The following ITPR1 variants were observed in gnomAD, a reference collection of about 807,000 sequenced individuals.
ITPR1 encodes the protein inositol 1,4,5-trisphosphate receptor type 1, also known as inositol 1,4,5-trisphosphate-gated calcium channel ITPR1.
A neutral mutation model predicts 318.4 loss-of-function variants in ITPR1; 96 were observed. The ratio of observed to expected loss-of-function variants is 0.30; its 90% CI spans 0.26 to 0.36. The LOEUF is 0.36. ITPR1 is among the 10% of genes least tolerant of loss of function. The pLI, the probability that ITPR1 is intolerant of heterozygous loss-of-function variation, is 1.00. For synonymous variants in ITPR1, 1,312 were observed against 1,289.9 expected (o/e 1.02, Z -0.37); for missense variants, 2,440 against 3,460.2 (o/e 0.71, Z 7.40).
chr3:4,592,262 CTTGTT>C (rs1172216218), intron 4 of ITPR1, among the ~76,000 whole-genome samples: 3 of 152,252 alleles, frequency 2.0e-5, no homozygotes, highest in African/African-American at 7.2e-5. Flanking sequence ...AACTGACTGT[CTTGTT>C]TTATGTTTTG....
At chr3:4,757,226 T>C (rs1439217542) in intron 44 of ITPR1, among the ~76,000 whole-genome samples, 3 of 152,296 alleles carry the variant, frequency 2.0e-5, no homozygotes, top group South Asian at 2.1e-4. Flanking sequence ...ATTGTAATCA[T>C]TGGTTTCTAA....
At chr3:4,744,809 T>A (rs1278528160) in intron 44 of ITPR1, among the ~76,000 whole-genome samples, 1 of 152,212 alleles carries the variant, frequency 6.6e-6, no homozygotes, top group Non-Finnish European at 1.5e-5. Context: ...TCCCAAGATA[T>A]GTTGGCCACT....
chr3:4,515,136 A>G (rs1315664823), intron 2 of ITPR1, among the ~76,000 whole-genome samples: 2 of 152,194 alleles, frequency 1.3e-5, no homozygotes, highest in East Asian at 3.8e-4. Flanking sequence ...GAAGGGGATG[A>G]CAAATCAGCT....
At chr3:4,647,499 A>C (rs1316433356) in intron 10 of ITPR1, among the ~76,000 whole-genome samples, 1 of 152,206 alleles carries the variant, frequency 6.6e-6, no homozygotes, top group Non-Finnish European at 1.5e-5. Context: ...TATATATTCA[A>C]CTTTATAAGA....
At chr3:4,687,249 G>A (rs1027067253) in intron 30 of ITPR1, among the ~76,000 whole-genome samples, 1 of 152,168 alleles carries the variant, frequency 6.6e-6, no homozygotes, top group Non-Finnish European at 1.5e-5. Context: ...GTGCTGCCTT[G>A]CCCTTTAAGA....
intron 60 of ITPR1, among the ~76,000 whole-genome samples, chr3:4,830,739 A>C (rs2050421106): frequency 6.6e-6 from 1 of 152,144 alleles, no homozygotes; most frequent in African/African-American, 2.4e-5. Flanking sequence ...AGTTGGAAAG[A>C]CCATCTTCGC....
At position 4,683,368 on chromosome 3, in the gene ITPR1, C is replaced by T. The variant is rs754969211; in HGVS notation, c.3162-18C>T. The T allele has an allele frequency of 1.2e-6, 2 of 1,613,926 alleles. No individual in the cohort carries two copies. The highest frequency in any genetic ancestry group is 1.3e-5 in the African/African-American group (1 of 75,036). ...ATTTGTCATTCATTTGGCCTTTCCC[C>T]ACCTTGTGCTCCTTTAGTGAGGAGA... On this transcript the variant is annotated intron_variant, in intron 26 of 61. Coordinates refer to ENST00000649015, the MANE Select transcript of ITPR1 (RefSeq NM_001378452.1).
chr3:4,795,278 C>T (rs561189811), intron 53 of ITPR1, 91 bp downstream of exon 53: 1 of 1,286,612 alleles, frequency 7.8e-7, no homozygotes, highest in Non-Finnish European at 1.1e-6. Flanking sequence ...TGTATTGGTG[C>T]AGTACTGGGG....
At chr3:4,812,691 T>A (rs1401330453) in intron 56 of ITPR1, among the ~76,000 whole-genome samples, 1 of 152,200 alleles carries the variant, frequency 6.6e-6, no homozygotes, top group Non-Finnish European at 1.5e-5. Flanking sequence ...CCAAATGCTG[T>A]GTTCTTGGCA....
chr3:4,796,673 G>A (rs2047918341), intron 53 of ITPR1, among the ~76,000 whole-genome samples: 1 of 152,188 alleles, frequency 6.6e-6, no homozygotes, highest in Non-Finnish European at 1.5e-5. Context: ...GGGACAGGGA[G>A]TTAACAGCCC....
intron 21 of ITPR1, among the ~76,000 whole-genome samples, chr3:4,673,781 A>G (rs905956979): frequency 6.6e-6 from 1 of 152,028 alleles, no homozygotes; most frequent in African/African-American, 2.4e-5. Flanking sequence ...ACGGGGTTTC[A>G]CCGTGTTAGC....
At chr3:4,586,362 C>T (rs907508846) in intron 4 of ITPR1, among the ~76,000 whole-genome samples, 1 of 152,184 alleles carries the variant, frequency 6.6e-6, no homozygotes, top group Non-Finnish European at 1.5e-5. Context: ...AAAACTGAGG[C>T]TTAGAGGATT....
rs779003637 is a variant in ITPR1 at position 4,658,155 on chromosome 3, G to A, written c.1028G>A (p.Arg343Lys). Reference protein sequence around the residue: ...VDPDQDASRSRLRNAQEKMVY... With the variant: ...VDPDQDASRSKLRNAQEKMVY... ...CCTGATCAGGACGCCTCTCGAAGTAGGTTGCGGAATGCCCAAGAAAAGATG... is the reference window on the plus strand; with the variant it reads ...CCTGATCAGGACGCCTCTCGAAGTAAGTTGCGGAATGCCCAAGAAAAGATG... Residue 343 changes from arginine (R) to lysine (K), a missense_variant, in exon 13 of 62, where the codon AGG becomes AAG. Transcript: ENST00000649015. 8 of 1,613,252 alleles carry A rather than the reference G, an allele frequency of 5.0e-6. No homozygotes were observed. Among genetic ancestry groups the A allele is most frequent in the African/African-American group, 1.3e-5 (1 of 75,022 alleles).
At chr3:4,591,351 G>A (rs1353464829) in intron 4 of ITPR1, among the ~76,000 whole-genome samples, 2 of 152,188 alleles carry the variant, frequency 1.3e-5, no homozygotes, top group Admixed American at 6.5e-5. Context: ...CCAACAGTGT[G>A]TAAGGGTTCC....
At chr3:4,845,328 T>G (rs2051683318) in intron 61 of ITPR1, among the ~76,000 whole-genome samples, 1 of 152,186 alleles carries the variant, frequency 6.6e-6, no homozygotes, top group African/African-American at 2.4e-5. Context: ...TAAGACTAAC[T>G]GGGTTAAGGA....
At chr3:4,827,611 G>GT (rs1402429407) in intron 60 of ITPR1, among the ~76,000 whole-genome samples, 1 of 152,194 alleles carries the variant, frequency 6.6e-6, no homozygotes, top group Non-Finnish European at 1.5e-5. Flanking sequence ...CAGGGCCTCA[G>GT]TTTTACCACC....
chr3:4,750,831 C>T (rs2125344951), intron 44 of ITPR1: 1 of 152,556 alleles, frequency 6.6e-6, no homozygotes, highest in East Asian at 1.9e-4. Context: ...TATTTTCCCT[C>T]TCCTTCCTAA....
rs183179184 is a variant in ITPR1 at position 4,796,260 on chromosome 3, C to T, written c.6931+1073C>T. ...GTGGAAGGCACCATCTGAATGCCCC[C>T]GCTCCGAAAAGTACAATCTAAACAC... On this transcript the variant is annotated intron_variant, in intron 53 of 61. Coordinates refer to ENST00000649015, the MANE Select transcript of ITPR1 (RefSeq NM_001378452.1). 2.2e-4 allele frequency among the ~76,000 whole-genome samples: 34 copies of T among 151,614 alleles called. No individual in the cohort carries two copies. In the East Asian group the frequency reaches 2.5e-3, roughly 11 times the overall value.
intron 60 of ITPR1, among the ~76,000 whole-genome samples, chr3:4,828,746 A>AT (rs1273461326): frequency 6.6e-6 from 1 of 152,178 alleles, no homozygotes; most frequent in African/African-American, 2.4e-5. Context: ...GCGCTGTATC[A>AT]TCCAAGAACA....
Sources: gnomAD v4.1 joint callset for allele counts (sites outside exome capture counted in the v4.1 genomes callset) on GRCh38, gnomAD v4.1.1 for gene constraint, MANE v1.5 for transcripts, NCBI Gene and HGNC (gene_info 2026-07-23, HGNC 2026-07-21) for gene names.